CARD6: variants seen among roughly 807,000 people sequenced by gnomAD.
CARD6 encodes caspase recruitment domain-containing protein 6.
In CARD6, 27 loss-of-function variants were observed where a neutral mutation model predicts 23.6. The observed-to-expected ratio is 1.14, with a 90% CI of 0.84 to 1.58. The LOEUF (loss-of-function observed/expected upper bound fraction) is 1.58. Ranked by LOEUF, CARD6 falls within the 40% of genes most tolerant of loss-of-function variation. The pLI, the probability that CARD6 is intolerant of heterozygous loss-of-function variation, is 0.00. For synonymous variants in CARD6, 397 were observed against 431.8 expected, an observed-to-expected ratio of 0.92 and a Z score of 1.00; for missense variants, 1,214 against 1,209.9, an observed-to-expected ratio of 1.00 and a Z score of -0.05.
Position 40,852,587 on chromosome 5 carries a change from T to C in CARD6, c.1255T>C (p.Leu419=). 6.2e-7 allele frequency: 1 copy of C among 1,614,180 alleles called. No individual in the cohort carries two copies. The highest frequency in any genetic ancestry group is 1.1e-5 in the South Asian group (1 of 91,086). The part of the protein sequence containing the change: ...LPDAENNKSI[L]MLGAMKDIVK... The stretch of plus-strand genomic sequence containing the variant: ...AGATGCAGAAAACAACAAAAGCATC[T>C]TAATGCTGGGGGCCATGAAAGACAT... The change falls in exon 3 of 3, where the codon TTA becomes CTA. Residue 419 remains leucine, a synonymous_variant. Coordinates refer to ENST00000254691, the MANE Select transcript of CARD6 (RefSeq NM_032587.4).
rs16870407 is a variant in CARD6 at position 40,852,946 on chromosome 5, C to T, written c.1614C>T (p.Ser538=). ...ALANLRGNLE[S]FWTQFGFLME... Reference sequence around the variant, plus strand: ...CTAATCTCCGTGGAAATCTAGAAAGCTTTTGGACTCAGTTTGGTTTTTTGA... The same window carrying T: ...CTAATCTCCGTGGAAATCTAGAAAGTTTTTGGACTCAGTTTGGTTTTTTGA... The change falls in exon 3 of 3, where the codon AGC becomes AGT. Residue 538 remains serine, a synonymous_variant. Coordinates refer to ENST00000254691, the MANE Select transcript of CARD6 (RefSeq NM_032587.4). 0.11 allele frequency: 182,766 copies of T among 1,613,950 alleles called. 12,784 individuals carry two copies. The highest frequency in any genetic ancestry group is 0.28 in the East Asian group (12,443 of 44,846).
chr5:40,841,705 G>T lies in CARD6; in HGVS notation c.283+40G>T, dbSNP rs1028753642. 1.1e-5 allele frequency: 16 copies of T among 1,423,220 alleles called. No individual in the cohort carries two copies. The East Asian group carries it at 4.1e-4, about 36-fold the overall frequency. The allele number at this position is 1,423,220 out of a possible 1,614,324, so 88.2% of individuals were successfully genotyped here. A position where few individuals can be genotyped will look rare whatever the true frequency, so the allele number is the denominator to read the frequency against. ...TATACTTTTTGGGGTGAGAGGAAGGGGGCAGACTTTCTGAAAAAGAAAACA... is the reference window on the plus strand; with the variant it reads ...TATACTTTTTGGGGTGAGAGGAAGGTGGCAGACTTTCTGAAAAAGAAAACA... On this transcript the variant is annotated intron_variant, in intron 1 of 2. Coordinates refer to ENST00000254691, the MANE Select transcript of CARD6 (RefSeq NM_032587.4).
rs775790807 is a variant in CARD6, at chr5:40,841,467, ATCTTAGACACGTTAACT to A, written c.89_105del (p.Leu30SerfsTer6). On this transcript the variant is annotated frameshift_variant, in exon 1 of 3. Coordinates refer to ENST00000254691, the MANE Select transcript of CARD6 (RefSeq NM_032587.4). LOFTEE classifies it high-confidence loss of function. ...AATCCTTCAACATGATCCTGATTCT[ATCTTAGACACGTTAACT>A]TCTCGGAGGCTGATTTCTGAGGAAG... 1.2e-6 allele frequency: 2 copies of A among 1,613,478 alleles called. No homozygotes were observed. Among genetic ancestry groups the A allele is most frequent in the Non-Finnish European group, 8.5e-7 (1 of 1,179,550 alleles).
Position 40,853,484 on chromosome 5 carries a change from C to T in CARD6, c.2152C>T (p.Leu718Phe). Residue 718 changes from leucine (L) to phenylalanine (F), a missense_variant, in exon 3 of 3, where the codon CTC becomes TTC. By Grantham distance (22) the Leu-to-Phe change is conservative (BLOSUM62 0). Coordinates refer to ENST00000254691, the MANE Select transcript of CARD6 (RefSeq NM_032587.4). ...QCELSQNLQN[L>F]YGTPVFRPVL... ...TGAGCTCAGCCAGAATCTTCAGAAT[C>T]TCTATGGTACCCCAGTATTCAGGCC... 6.2e-7 allele frequency: 1 copy of T among 1,614,194 alleles called. No homozygotes were observed. The highest frequency in any genetic ancestry group is 1.1e-5 in the South Asian group (1 of 91,088).
intron 1 of CARD6, among the ~76,000 whole-genome samples, chr5:40,842,915 G>A (rs1165598164): frequency 6.6e-6 from 1 of 152,188 alleles, no homozygotes; most frequent in Non-Finnish European, 1.5e-5. Context: ...GCGCATGCCT[G>A]TAATCCCAGC....
rs368552928 is a variant in CARD6, at chr5:40,854,165, G to T, written c.2833G>T (p.Asp945Tyr). ...GTGCAAGAGCTCTCAGTTCAAATCCGATCAGTCCAACCCATCCACAGTCAA... is the reference window on the plus strand; with the variant it reads ...GTGCAAGAGCTCTCAGTTCAAATCCTATCAGTCCAACCCATCCACAGTCAA... ...PMCKSSQFKSDQSNPSTVKHS... is the reference protein window; with the variant it reads ...PMCKSSQFKSYQSNPSTVKHS... The change falls in exon 3 of 3, where the codon GAT becomes TAT. Residue 945 changes from aspartate to tyrosine, a missense_variant. Physicochemically the swap from Asp to Tyr is radical, Grantham distance 160. Transcript: ENST00000254691. 1.2e-6 allele frequency: 2 copies of T among 1,614,104 alleles called. No homozygotes were observed. Among genetic ancestry groups the T allele is most frequent in the Non-Finnish European group, 1.7e-6 (2 of 1,180,014 alleles).
In CARD6 at chr5:40,854,060, C is replaced by A. The variant is rs762384377; in HGVS notation, c.2728C>A (p.Pro910Thr). 5 of 1,614,178 alleles carry A rather than the reference C, an allele frequency of 3.1e-6. No homozygotes were observed. In the East Asian group the frequency reaches 8.9e-5, roughly 29 times the overall value. ...AGCAGCAGCCACACAAAAACTAAGACCTGCTTCTCAGCAAGGAGTCCAGAT... is the reference window on the plus strand; with the variant it reads ...AGCAGCAGCCACACAAAAACTAAGAACTGCTTCTCAGCAAGGAGTCCAGAT... Reference protein sequence around the residue: ...QPAAATQKLRPASQQGVQMKT... With the variant: ...QPAAATQKLRTASQQGVQMKT... Residue 910 changes from proline (P) to threonine (T), a missense_variant, in exon 3 of 3, where the codon CCT becomes ACT. Pro to Thr is a conservative substitution (Grantham distance 38). Coordinates refer to ENST00000254691, the MANE Select transcript of CARD6 (RefSeq NM_032587.4).
At chr5:40,842,453 G>A (rs930084679) in intron 1 of CARD6, among the ~76,000 whole-genome samples, 1 of 152,134 alleles carries the variant, frequency 6.6e-6, no homozygotes, top group Non-Finnish European at 1.5e-5. Context: ...TCCAAATAGA[G>A]CCATTTGCTT....
Position 40,854,201 on chromosome 5 carries a change from C to T in CARD6, c.2869C>T (p.Pro957Ser). 6.2e-7 allele frequency: 1 copy of T among 1,614,168 alleles called. No individual in the cohort carries two copies. The highest frequency in any genetic ancestry group is 1.3e-5 in the African/African-American group (1 of 75,030). Residue 957 changes from proline (P) to serine (S), a missense_variant, in exon 3 of 3, where the codon CCT becomes TCT. Physicochemically the swap from Pro to Ser is moderately conservative, Grantham distance 74. Transcript: ENST00000254691. The stretch of plus-strand genomic sequence containing the variant: ...CCCATCCACAGTCAAACACTCCCAG[C>T]CTAAACCCTTCCATTCTGTGCCCTC... Reference protein sequence around the residue: ...SNPSTVKHSQPKPFHSVPSQP... With the variant: ...SNPSTVKHSQSKPFHSVPSQP...
In CARD6 at chr5:40,853,665, G is replaced by A. The variant is rs1272389785; in HGVS notation, c.2333G>A (p.Gly778Asp). Residue 778 changes from glycine to aspartate, a missense_variant, in exon 3 of 3, where the codon GGC (glycine) becomes GAC (aspartate). Coordinates refer to ENST00000254691, the MANE Select transcript of CARD6 (RefSeq NM_032587.4). ...PLPFQNAGAQ[G>D]RGKSFGIQSF... ...CCTTTTCAGAATGCAGGGGCCCAGG[G>A]CCGAGGTAAAAGTTTTGGTATTCAA... 2.7e-5 allele frequency: 44 copies of A among 1,614,214 alleles called. No homozygotes were observed. Among genetic ancestry groups the A allele is most frequent in the Non-Finnish European group, 3.7e-5 (44 of 1,180,042 alleles).
chr5:40,854,563 A>G lies in CARD6; in HGVS notation c.*117A>G. The G allele has an allele frequency of 1.2e-6, 1 of 810,520 alleles. No individual in the cohort carries two copies. Among genetic ancestry groups the G allele is most frequent in the Non-Finnish European group, 2.0e-6 (1 of 501,734 alleles). The allele number at this position is 810,520 out of a possible 1,614,324, so 50.2% of individuals were successfully genotyped here. On this transcript the variant is annotated 3_prime_UTR_variant, in exon 3 of 3. Transcript: ENST00000254691. The stretch of plus-strand genomic sequence containing the variant: ...CTACTGTCATTAGCATGTAAAACAA[A>G]GAAAGATATACATGACTGAATTGGA...
Position 40,853,556 on chromosome 5 carries a change from T to G in CARD6, c.2224T>G (p.Phe742Val). 1 of 1,614,222 alleles carries G rather than the reference T, an allele frequency of 6.2e-7. No homozygotes were observed. The highest frequency in any genetic ancestry group is 8.5e-7 in the Non-Finnish European group (1 of 1,180,026). The change falls in exon 3 of 3, where the codon TTT (phenylalanine) becomes GTT (valine). Residue 742 changes from phenylalanine (F) to valine (V), a missense_variant. Coordinates refer to ENST00000254691, the MANE Select transcript of CARD6 (RefSeq NM_032587.4). ...WLFPTRIGGN[F>V]NHVSLKASWV... ...CTTTCCAACCAGAATTGGAGGTAAC[T>G]TTAACCATGTTTCCTTGAAAGCCTC...
chr5:40,853,381 T>C lies in CARD6; in HGVS notation c.2049T>C (p.Gly683=), dbSNP rs751989622. 1 of 1,613,844 alleles carries C rather than the reference T, an allele frequency of 6.2e-7. No homozygotes were observed. Among genetic ancestry groups the C allele is most frequent in the African/African-American group, 1.3e-5 (1 of 74,862 alleles). The change falls in exon 3 of 3, where the codon GGT becomes GGC. Residue 683 remains glycine, a synonymous_variant. Coordinates refer to ENST00000254691, the MANE Select transcript of CARD6 (RefSeq NM_032587.4). The part of the protein sequence containing the change: ...ENMAGTAEGE[G]QQRHSQLKSS... ...TGGCTGGGACAGCTGAAGGTGAGGG[T>C]CAGCAAAGACACAGTCAGCTAAAAA...
intron 1 of CARD6, among the ~76,000 whole-genome samples, chr5:40,842,575 T>C (rs181582195): frequency 2.0e-5 from 3 of 152,334 alleles, no homozygotes; most frequent in African/African-American, 7.2e-5. Context: ...ATGATTCAAA[T>C]TTTTCGTTTT....
In CARD6 at chr5:40,852,275, T is replaced by G. The variant is rs139145302; in HGVS notation, c.943T>G (p.Cys315Gly). 40 of 1,614,016 alleles carry G rather than the reference T, an allele frequency of 2.5e-5. No individual in the cohort carries two copies. The highest frequency in any genetic ancestry group is 3.1e-5 in the Non-Finnish European group (36 of 1,180,004). Residue 315 changes from cysteine (C) to glycine (G), a missense_variant, in exon 3 of 3, where the codon TGT (cysteine) becomes GGT (glycine). By Grantham distance (159) the Cys-to-Gly change is radical. Coordinates refer to ENST00000254691, the MANE Select transcript of CARD6 (RefSeq NM_032587.4). ...FVKQFSLDRGCKWTPESPGDL... is the reference protein window; with the variant it reads ...FVKQFSLDRGGKWTPESPGDL... ...TAAACAATTCTCCTTAGATCGAGGATGTAAGTGGACCCCTGAGAGTCCAGG... is the reference window on the plus strand; with the variant it reads ...TAAACAATTCTCCTTAGATCGAGGAGGTAAGTGGACCCCTGAGAGTCCAGG...
rs913021433 is a variant in CARD6, at chr5:40,853,748, G to T, written c.2416G>T (p.Ala806Ser). The T allele has an allele frequency of 3.1e-6, 5 of 1,614,082 alleles. No homozygotes were observed. In the African/African-American group the frequency reaches 6.7e-5, roughly 22 times the overall value. Residue 806 changes from alanine (A) to serine (S), a missense_variant, in exon 3 of 3, where the codon GCT (alanine) becomes TCT (serine). By Grantham distance (99) the Ala-to-Ser change is moderately conservative. Transcript: ENST00000254691. The part of the protein sequence containing the change: ...GERFMKFSRV[A>S]RGCHSNGTFG... ...AAGATTCATGAAATTTTCCAGAGTT[G>T]CTCGGGGATGTCACTCGAATGGAAC...
intron 2 of CARD6, among the ~76,000 whole-genome samples, chr5:40,849,159 G>C (rs1367333753): frequency 6.6e-6 from 1 of 151,970 alleles, no homozygotes; most frequent in Non-Finnish European, 1.5e-5. Context: ...ACCACACCTG[G>C]CTAATTTTTG....
At chr5:40,843,740 C>A in intron 2 of CARD6, 31 bp downstream of exon 2, 2 of 1,386,400 alleles carry the variant, frequency 1.4e-6, no homozygotes, top group Non-Finnish European at 1.9e-6. Flanking sequence ...GTTAGTTAGG[C>A]AACAACTTAA....
At chr5:40,850,413 C>CCAAAA (rs1561215132) in intron 2 of CARD6, among the ~76,000 whole-genome samples, 1 of 36,602 alleles carries the variant, frequency 2.7e-5, no homozygotes, top group Admixed American at 5.0e-4. Flanking sequence ...CACTCCATCT[C>CCAAAA]AAAAAAAAAA....
Sources: allele counts gnomAD v4.1 joint callset (sites outside exome capture counted in the v4.1 genomes callset), GRCh38; gene constraint gnomAD v4.1.1; transcripts MANE v1.5; gene names NCBI Gene and HGNC (gene_info 2026-07-23, HGNC 2026-07-21).